The following TLK2 variants were observed in gnomAD, a reference collection of about 807,000 sequenced individuals.
The protein encoded by TLK2 is tousled like kinase 2, also known as serine/threonine-protein kinase tousled-like 2.
Under a neutral mutation model 117.3 loss-of-function variants are expected in TLK2, and 6 were observed. The observed-to-expected ratio is 0.05, with a 90% CI of 0.03 to 0.10. The LOEUF (loss-of-function observed/expected upper bound fraction) is 0.10, where lower values mean the gene tolerates loss of function less well. Among genes scored for constraint, TLK2 ranks in the 10% least tolerant of loss-of-function variants. The pLI is 1.00. For synonymous variants in TLK2, 257 were observed against 316.7 expected, an observed-to-expected ratio of 0.81 and a Z score of 2.00; for missense variants, 299 against 901.2, an observed-to-expected ratio of 0.33 and a Z score of 8.56.
chr17:62,606,944 T>G (rs1311372750), intron 20 of TLK2, among the ~76,000 whole-genome samples: 1 of 152,134 alleles, frequency 6.6e-6, no homozygotes, highest in Non-Finnish European at 1.5e-5. Context: ...ATTCTTAATA[T>G]TTTGATTACA....
upstream of TLK2, among the ~76,000 whole-genome samples, chr17:62,477,210 G>T (rs965028691): frequency 2.6e-5 from 4 of 152,162 alleles, no homozygotes; most frequent in African/African-American, 9.7e-5. Context: ...CCGGCTCTTA[G>T]GTTCTACCGC....
intron 7 of TLK2, chr17:62,549,660 C>T (rs1283658170): frequency 6.6e-6 from 1 of 151,844 alleles, no homozygotes; most frequent in Non-Finnish European, 1.5e-5. Flanking sequence ...CCCAAGACCC[C>T]CACCGCAAGA....
intron 11 of TLK2, among the ~76,000 whole-genome samples, chr17:62,572,604 G>A (rs1373418739): frequency 6.6e-6 from 1 of 152,194 alleles, no homozygotes; most frequent in Non-Finnish European, 1.5e-5. Context: ...CTAGTTGGAA[G>A]ACTTCGTTGT....
chr17:62,531,789 A>G (rs1022188248), intron 6 of TLK2, among the ~76,000 whole-genome samples: 30 of 152,168 alleles, frequency 2.0e-4, no homozygotes, highest in Admixed American at 3.3e-4. Flanking sequence ...ACTGCTAGGA[A>G]ATATTGATTT....
rs141781012 is a variant in TLK2 at position 62,516,081 on chromosome 17, C to T, written c.82-4692C>T. ...CTGGAATTACAGGCGCCCGCCACCA[C>T]GCCCAGCTAATTTTTGTAGTTTTAG... On this transcript the variant is annotated intron_variant, in intron 2 of 21. Coordinates refer to ENST00000346027, the MANE Select transcript of TLK2 (RefSeq NM_006852.6). Among the ~76,000 whole-genome samples the T allele has an allele frequency of 3.6e-3, 549 of 152,002 alleles. 2 individuals are homozygous for T. Among genetic ancestry groups the T allele is most frequent in the Middle Eastern group, 6.8e-3 (2 of 294 alleles).
chr17:62,597,541 A>G (rs1259012223), intron 17 of TLK2, among the ~76,000 whole-genome samples: 1 of 152,244 alleles, frequency 6.6e-6, no homozygotes, highest in African/African-American at 2.4e-5. Context: ...AGAGACTCTT[A>G]TGAACATTGA....
At chr17:62,538,992 A>G (rs1254879432) in intron 7 of TLK2, among the ~76,000 whole-genome samples, 1 of 152,232 alleles carries the variant, frequency 6.6e-6, no homozygotes, top group African/African-American at 2.4e-5. Flanking sequence ...AGAGAAGTGC[A>G]AAATAAAACA....
intron 7 of TLK2, among the ~76,000 whole-genome samples, chr17:62,543,354 C>T (rs1322118635): frequency 6.6e-6 from 1 of 152,130 alleles, no homozygotes; most frequent in African/African-American, 2.4e-5. Context: ...GTTTTCGTTT[C>T]TTTTGGATAT....
In TLK2 at chr17:62,596,691, T is replaced by C. The variant is rs779808574; in HGVS notation, c.1550+17T>C. 4.4e-6 allele frequency: 7 copies of C among 1,604,434 alleles called. No individual in the cohort carries two copies. The East Asian group carries it at 1.6e-4, about 36-fold the overall frequency. On this transcript the variant is annotated intron_variant, in intron 17 of 21. Coordinates refer to ENST00000346027, the MANE Select transcript of TLK2 (RefSeq NM_006852.6). Reference sequence around the variant, plus strand: ...TACTGACTCGTAAGTGCTGTGCTGTTTTACCTTAACAGTTATATTATTTTC... The same window carrying C: ...TACTGACTCGTAAGTGCTGTGCTGTCTTACCTTAACAGTTATATTATTTTC...
At chr17:62,612,286 T>C (rs1017268686) in intron 21 of TLK2, 106 bp from the exon 22 acceptor site, 21 of 1,255,610 alleles carry the variant, frequency 1.7e-5, no homozygotes, top group Non-Finnish European at 2.1e-5. Flanking sequence ...CCCTTCTCTT[T>C]AGTTGATATT....
At chr17:62,500,298 A>G (rs938565018) in intron 2 of TLK2, among the ~76,000 whole-genome samples, 9 of 151,332 alleles carry the variant, frequency 5.9e-5, no homozygotes, top group Non-Finnish European at 1.2e-4. Flanking sequence ...ACTAAATATA[A>G]AAAAGCTAAG....
At chr17:62,516,557 G>A in intron 2 of TLK2, 3 of 1,609,238 alleles carry the variant, frequency 1.9e-6, no homozygotes, top group Non-Finnish European at 1.7e-6. Context: ...TCATTGGTAA[G>A]GTACCAGTAG....
At chr17:62,611,240 CA>C (rs1308286002) in intron 21 of TLK2, among the ~76,000 whole-genome samples, 18 of 152,122 alleles carry the variant, frequency 1.2e-4, no homozygotes, top group Non-Finnish European at 1.6e-4. Context: ...TTTTAAAGGC[CA>C]AGGATCATTA....
intron 2 of TLK2, 136 bp downstream of exon 2, chr17:62,481,342 T>C (rs549285912): frequency 2.3e-6 from 2 of 873,052 alleles, no homozygotes; most frequent in East Asian, 5.4e-5. Flanking sequence ...CAGTGAACTT[T>C]TAGATCCTAC....
chr17:62,478,050 C>A (rs1478974680), upstream of TLK2: 1 of 152,064 alleles, frequency 6.6e-6, no homozygotes, highest in African/African-American at 2.4e-5. Flanking sequence ...TCCCAGGGCA[C>A]CTTTTGTCCC....
chr17:62,599,004 G>A (rs948509571), intron 17 of TLK2, among the ~76,000 whole-genome samples: 2 of 151,924 alleles, frequency 1.3e-5, no homozygotes, highest in African/African-American at 4.8e-5. Context: ...GTAGTGCAGT[G>A]GCATGATCTT....
At chr17:62,612,061 A>G (rs2083825954) in intron 21 of TLK2, 1 of 177,796 alleles carries the variant, frequency 5.6e-6, no homozygotes, top group Non-Finnish European at 1.2e-5. Flanking sequence ...CAAACCAGCG[A>G]AGACAAAGAG....
chr17:62,574,751 A>G (rs901084788), intron 12 of TLK2, among the ~76,000 whole-genome samples: 5 of 152,002 alleles, frequency 3.3e-5, no homozygotes, highest in Admixed American at 2.0e-4. Flanking sequence ...CCTGACCTCA[A>G]ATGATCCACC....
At chr17:62,518,550 A>C (rs2075798390) in intron 2 of TLK2, among the ~76,000 whole-genome samples, 1 of 151,982 alleles carries the variant, frequency 6.6e-6, no homozygotes, top group African/African-American at 2.4e-5. Context: ...CTAAAAATAC[A>C]AAAAAATTAG....
Sources: allele counts gnomAD v4.1 joint callset (sites outside exome capture counted in the v4.1 genomes callset), GRCh38; gene constraint gnomAD v4.1.1; transcripts MANE v1.5; gene names NCBI Gene and HGNC (gene_info 2026-07-23, HGNC 2026-07-21).